The following MARK3 variants were observed in gnomAD, a reference collection of about 807,000 sequenced individuals.
MARK3 encodes MAP/microtubule affinity-regulating kinase 3.
Under a neutral mutation model 90.1 loss-of-function variants are expected in MARK3, and 46 were observed. The observed-to-expected ratio is 0.51, with a 90% CI of 0.40 to 0.65. MARK3 has a LOEUF of 0.65. MARK3 is among the 30% of genes least tolerant of loss of function. The pLI, the probability that MARK3 is intolerant of heterozygous loss-of-function variation, is 0.00. For synonymous variants in MARK3, 321 were observed against 332.6 expected (o/e 0.97, Z 0.38); for missense variants, 818 against 947.2 (o/e 0.86, Z 1.79).
chr14:103,487,324 C>G (rs1055845799), intron 14 of MARK3, among the ~76,000 whole-genome samples: 3 of 151,314 alleles, frequency 2.0e-5, no homozygotes, highest in Non-Finnish European at 4.4e-5. Context: ...CCTATCTCTA[C>G]AAAATTTTTT....
intron 2 of MARK3, among the ~76,000 whole-genome samples, chr14:103,411,596 TC>T (rs1378031139): frequency 6.6e-6 from 1 of 152,050 alleles, no homozygotes; most frequent in Non-Finnish European, 1.5e-5. Context: ...TAGGTCAAGT[TC>T]CCCTCCTGAT....
At chr14:103,492,127 C>T in intron 15 of MARK3, 93 bp downstream of exon 15, 1 of 1,409,146 alleles carries the variant, frequency 7.1e-7, no homozygotes, top group South Asian at 1.4e-5. Context: ...TACCTGGATG[C>T]TTTTCAGTCT....
chr14:103,413,478 G>A (rs1197655016), intron 2 of MARK3, among the ~76,000 whole-genome samples: 1 of 149,164 alleles, frequency 6.7e-6, no homozygotes, highest in East Asian at 2.0e-4. Flanking sequence ...CCAGGCTGGA[G>A]TGCAGCGCGA....
intron 3 of MARK3, among the ~76,000 whole-genome samples, chr14:103,434,685 G>A (rs1029242523): frequency 1.3e-5 from 2 of 152,114 alleles, no homozygotes; most frequent in Non-Finnish European, 2.9e-5. Context: ...TGGTTTATAG[G>A]GCTTCTGAAA....
chr14:103,433,941 C>G (rs986785387), intron 3 of MARK3, among the ~76,000 whole-genome samples: 1 of 152,080 alleles, frequency 6.6e-6, no homozygotes, highest in Non-Finnish European at 1.5e-5. Flanking sequence ...AAGAGTGTAA[C>G]CAAAACCTAG....
At position 103,405,189 on chromosome 14, in the gene MARK3, C is replaced by T. The variant is rs1266394852; in HGVS notation, c.165C>T (p.Asn55=). ...SCADEQPHIG[N]YRLLKTIGKG... ...CAGATGAACAACCTCACATCGGAAA[C>T]TACAGACTGTTGAAAACAATCGGCA... The change falls in exon 2 of 18, where the codon AAC becomes AAT. Residue 55 remains asparagine (N), a synonymous_variant. Coordinates refer to ENST00000429436, the MANE Select transcript of MARK3 (RefSeq NM_001128918.3). 5 of 1,597,024 alleles carry T rather than the reference C, an allele frequency of 3.1e-6. No individual in the cohort carries two copies. The highest frequency in any genetic ancestry group is 4.3e-6 in the Non-Finnish European group (5 of 1,174,982).
At chr14:103,388,092 C>T (rs1482255957) in intron 1 of MARK3, among the ~76,000 whole-genome samples, 3 of 152,098 alleles carry the variant, frequency 2.0e-5, no homozygotes, top group East Asian at 1.9e-4. Context: ...CCACCACTCC[C>T]GGCTAATTTT....
intron 6 of MARK3, among the ~76,000 whole-genome samples, chr14:103,460,073 CTTTTTTTTTTTTTT>C (rs571611660): frequency 2.4e-4 from 10 of 41,720 alleles, no homozygotes; most frequent in South Asian, 2.0e-3. Context: ...CCAGCTCCAT[CTTTTTTTTTTTTTT>C]TTTTTTTTTT....
intron 7 of MARK3, among the ~76,000 whole-genome samples, chr14:103,463,753 G>A (rs939336183): frequency 6.6e-5 from 10 of 152,080 alleles, no homozygotes; most frequent in African/African-American, 2.4e-4. Context: ...CACCCAAAAT[G>A]GTCTTTTAAG....
intron 14 of MARK3, among the ~76,000 whole-genome samples, chr14:103,485,019 A>T (rs1444582463): frequency 6.8e-6 from 1 of 147,280 alleles, no homozygotes; most frequent in Non-Finnish European, 1.5e-5. Context: ...GGAGTTTGAG[A>T]CCAGCCTGAC....
chr14:103,463,375 G>A (rs2093438949), intron 7 of MARK3, among the ~76,000 whole-genome samples: 1 of 152,164 alleles, frequency 6.6e-6, no homozygotes, highest in African/African-American at 2.4e-5. Context: ...CCAACTGTAT[G>A]CTGATGGCCC....
At chr14:103,466,150 T>A in intron 9 of MARK3, 59 bp downstream of exon 9, 7 of 1,582,362 alleles carry the variant, frequency 4.4e-6, no homozygotes, top group Non-Finnish European at 6.0e-6. Context: ...TGACCTTAGA[T>A]CTTTGCTTGA....
rs779168170 is a variant in MARK3, at chr14:103,412,510, G to A, written c.243+7243G>A. On this transcript the variant is annotated intron_variant, in intron 2 of 17. Coordinates refer to ENST00000429436, the MANE Select transcript of MARK3 (RefSeq NM_001128918.3). Reference sequence around the variant, plus strand: ...TCTTGAGTTTTTTTGGCACCTCAGTGTCCACTTGGGGGGATATCCGTGGCC... The same window carrying A: ...TCTTGAGTTTTTTTGGCACCTCAGTATCCACTTGGGGGGATATCCGTGGCC... 72 of 514,582 alleles carry A rather than the reference G, an allele frequency of 1.4e-4. 1 individual carries two copies. Among genetic ancestry groups the A allele is most frequent in the Admixed American group, 3.7e-4 (12 of 32,606 alleles). The allele number at this position is 514,582 out of a possible 1,614,324, so 31.9% of individuals were successfully genotyped here.
At chr14:103,461,281 G>T (rs1251739334) in intron 6 of MARK3, among the ~76,000 whole-genome samples, 2 of 152,236 alleles carry the variant, frequency 1.3e-5, no homozygotes, top group Non-Finnish European at 2.9e-5. Flanking sequence ...CCTCTGCTTA[G>T]TGGTAATGCA....
rs1179812727 is a variant in MARK3 at position 103,418,242 on chromosome 14, T to A, written c.244-10145T>A. ...GGCTTTTTTTTTTTTTTTTTTTTTT[T>A]AGCTCTTTTATAAAGTAGATTTTTG... On this transcript the variant is annotated intron_variant, in intron 2 of 17. Coordinates refer to ENST00000429436, the MANE Select transcript of MARK3 (RefSeq NM_001128918.3). 4.7e-4 allele frequency among the ~76,000 whole-genome samples: 43 copies of A among 91,638 alleles called. No homozygotes were observed. The East Asian group carries it at 0.01, about 21-fold the overall frequency. 60.1% of individuals were successfully genotyped at this position (91,638 alleles called of 152,430 possible).
intron 2 of MARK3, among the ~76,000 whole-genome samples, chr14:103,423,023 A>T (rs1354068871): frequency 6.6e-6 from 1 of 152,110 alleles, no homozygotes; most frequent in African/African-American, 2.4e-5. Context: ...TTTTTCTACC[A>T]CATGAGAACG....
At chr14:103,474,407 A>G (rs1346026567) in intron 12 of MARK3, among the ~76,000 whole-genome samples, 2 of 151,774 alleles carry the variant, frequency 1.3e-5, no homozygotes, top group East Asian at 1.9e-4. Flanking sequence ...CCCTGGACAC[A>G]CTCCTCCTGG....
chr14:103,489,025 T>C lies in MARK3; in HGVS notation c.1587-2752T>C, dbSNP rs145899812. ...TCTGCTTACACTGGTGGGGGGCACATTGACAAGATTTTGGGCTGTGTTTTC... is the reference window on the plus strand; with the variant it reads ...TCTGCTTACACTGGTGGGGGGCACACTGACAAGATTTTGGGCTGTGTTTTC... On this transcript the variant is annotated intron_variant, in intron 14 of 17. Transcript: ENST00000429436. Among the ~76,000 whole-genome samples the C allele has an allele frequency of 1.6e-4, 25 of 152,302 alleles. No individual in the cohort carries two copies. In the East Asian group the frequency reaches 3.7e-3, roughly 22 times the overall value.
At chr14:103,401,991 A>G (rs1373018814) in intron 1 of MARK3, among the ~76,000 whole-genome samples, 3 of 152,226 alleles carry the variant, frequency 2.0e-5, no homozygotes, top group Non-Finnish European at 4.4e-5. Flanking sequence ...CTAGACTCAA[A>G]GCTAGAGTCT....
Sources: allele counts gnomAD v4.1 joint callset (sites outside exome capture counted in the v4.1 genomes callset), GRCh38; gene constraint gnomAD v4.1.1; transcripts MANE v1.5; gene names NCBI Gene and HGNC (gene_info 2026-07-23, HGNC 2026-07-21).